The following ENOX1 variants were observed in gnomAD, a reference collection of about 807,000 sequenced individuals.
ENOX1 encodes candidate growth-related and time keeping constitutive hydroquinone (NADH) oxidase.
ENOX1 carries 42 observed loss-of-function variants against 82.5 expected under a neutral mutation model. The ratio of observed to expected loss-of-function variants is 0.51; its 90% CI spans 0.40 to 0.66. The LOEUF is 0.66. Ranked by LOEUF, ENOX1 falls within the 30% of genes least tolerant of loss-of-function variation. The pLI is 0.00. For missense variants in ENOX1, 608 were observed against 811.6 expected (o/e 0.75, Z 3.05); for synonymous variants, 271 against 282.2 (o/e 0.96, Z 0.40).
chr13:43,233,077 C>T (rs1420846381), intron 15 of ENOX1, among the ~76,000 whole-genome samples: 1 of 152,188 alleles, frequency 6.6e-6, no homozygotes, highest in Non-Finnish European at 1.5e-5. Flanking sequence ...ATCCAACATG[C>T]AGGCCATATG....
At chr13:43,332,254 C>T (rs1422174905) in intron 9 of ENOX1, among the ~76,000 whole-genome samples, 3 of 152,130 alleles carry the variant, frequency 2.0e-5, no homozygotes, top group Admixed American at 6.6e-5. Context: ...GGGGATGAAA[C>T]TGTTCCATCT....
At chr13:43,650,572 C>T (rs904918407) in intron 2 of ENOX1, among the ~76,000 whole-genome samples, 1 of 152,134 alleles carries the variant, frequency 6.6e-6, no homozygotes, top group African/African-American at 2.4e-5. Context: ...GCATGGTGGC[C>T]TCACTCCTGT....
intron 1 of ENOX1, among the ~76,000 whole-genome samples, chr13:43,700,985 C>T (rs982999996): frequency 2.6e-5 from 4 of 152,108 alleles, no homozygotes; most frequent in Non-Finnish European, 4.4e-5. Flanking sequence ...TTTAGTTTTT[C>T]ACTCTTTAAA....
chr13:43,721,140 T>C (rs2088547920), intron 1 of ENOX1, among the ~76,000 whole-genome samples: 2 of 152,154 alleles, frequency 1.3e-5, no homozygotes, highest in Non-Finnish European at 2.9e-5. Flanking sequence ...TTGTGCAGTG[T>C]TTCCACTGGT....
At chr13:43,296,972 T>C (rs2046318697) in intron 12 of ENOX1, among the ~76,000 whole-genome samples, 1 of 152,040 alleles carries the variant, frequency 6.6e-6, no homozygotes, top group African/African-American at 2.4e-5. Context: ...ACCCCAGAAG[T>C]CTCACACAGC....
At chr13:43,753,987 CGTGT>C (rs1389141937) in intron 1 of ENOX1, among the ~76,000 whole-genome samples, 1 of 5,992 alleles carries the variant, frequency 1.7e-4, no homozygotes, top group African/African-American at 3.1e-4. Flanking sequence ...TACGTATCTA[CGTGT>C]GTGTGTATAT....
At chr13:43,644,658 G>A (rs980896014) in intron 2 of ENOX1, among the ~76,000 whole-genome samples, 9 of 152,106 alleles carry the variant, frequency 5.9e-5, no homozygotes, top group African/African-American at 2.2e-4. Flanking sequence ...TATTTCATGT[G>A]GACTGCATAA....
At chr13:43,400,896 C>T (rs1205241520) in intron 5 of ENOX1, among the ~76,000 whole-genome samples, 4 of 152,130 alleles carry the variant, frequency 2.6e-5, no homozygotes, top group Non-Finnish European at 5.9e-5. Context: ...AATCATTTGC[C>T]CCCAAATCCT....
intron 2 of ENOX1, among the ~76,000 whole-genome samples, chr13:43,665,856 T>C (rs76967244): frequency 0.029 from 4,350 of 150,682 alleles, 78 homozygotes; most frequent in Non-Finnish European, 0.044. Flanking sequence ...TCAAATTAAA[T>C]TTGGCCATGG....
chr13:43,519,780 T>G (rs1053846286), intron 2 of ENOX1, among the ~76,000 whole-genome samples: 1 of 152,174 alleles, frequency 6.6e-6, no homozygotes, highest in Admixed American at 6.6e-5. Flanking sequence ...ACTTACCCCG[T>G]GAAGCCTGAA....
chr13:43,596,412 T>A (rs1348432467), intron 2 of ENOX1, among the ~76,000 whole-genome samples: 2 of 152,264 alleles, frequency 1.3e-5, no homozygotes, highest in African/African-American at 4.8e-5. Flanking sequence ...TTCTTTCATT[T>A]CCATCCTGCT....
rs760475931 is a variant in ENOX1, at chr13:43,298,344, A to G, written c.1446+2T>C. On this transcript the variant is annotated splice_donor_variant, in intron 12 of 16. Transcript: ENST00000690772. LOFTEE classifies it high-confidence loss of function. ...AAAAAAAAAAAAATCTGGGCCAGGT[A>G]CCTGCTGCATGCCTTGCATGGTTTG... 1 of 1,587,122 alleles carries G rather than the reference A, an allele frequency of 6.3e-7. No homozygotes were observed. The highest frequency in any genetic ancestry group is 8.5e-7 in the Non-Finnish European group (1 of 1,171,038).
At chr13:43,324,429 T>C (rs2047992941) in intron 10 of ENOX1, among the ~76,000 whole-genome samples, 1 of 152,132 alleles carries the variant, frequency 6.6e-6, no homozygotes, top group South Asian at 2.1e-4. Flanking sequence ...TACACTCTAA[T>C]AAATCTGTAG....
rs1230394298 is a variant in ENOX1, at chr13:43,412,968, C to T, written c.-54G>A. On this transcript the variant is annotated 5_prime_UTR_variant, in exon 4 of 17. Coordinates refer to ENST00000690772, the MANE Select transcript of ENOX1 (RefSeq NM_001347969.2). ...ACACTTTGATGGCTGAGTGCAGGGT[C>T]CCCTCGGAGGTCATCAGATTCTGCA... 2 of 1,608,304 alleles carry T rather than the reference C, an allele frequency of 1.2e-6. No homozygotes were observed. The highest frequency in any genetic ancestry group is 2.2e-5 in the East Asian group (1 of 44,652).
intron 3 of ENOX1, among the ~76,000 whole-genome samples, chr13:43,428,353 G>T (rs1190707675): frequency 6.6e-6 from 1 of 151,984 alleles, no homozygotes; most frequent in Admixed American, 6.6e-5. Context: ...ATATATTGAG[G>T]GCAAACTGAT....
chr13:43,373,746 C>T lies in ENOX1; in HGVS notation c.209-12294G>A, dbSNP rs147371020. On this transcript the variant is annotated intron_variant, in intron 5 of 16. Coordinates refer to ENST00000690772, the MANE Select transcript of ENOX1 (RefSeq NM_001347969.2). ...CATTTTAATTTAGAAAGCACCAATG[C>T]CAACCCATACTCCCCCATAGCTTGT... Among the ~76,000 whole-genome samples, 216 of 152,338 alleles carry T rather than the reference C, an allele frequency of 1.4e-3. 2 individuals are homozygous for T. The highest frequency in any genetic ancestry group is 4.8e-3 in the African/African-American group (198 of 41,574).
At chr13:43,330,228 C>G (rs1241086303) in intron 9 of ENOX1, among the ~76,000 whole-genome samples, 1 of 152,176 alleles carries the variant, frequency 6.6e-6, no homozygotes, top group African/African-American at 2.4e-5. Context: ...AAAGATATAA[C>G]CAGCAAACAA....
chr13:43,470,257 TATACATATATATAC>T (rs1427873281), intron 3 of ENOX1, among the ~76,000 whole-genome samples: 1 of 66,338 alleles, frequency 1.5e-5, no homozygotes. Flanking sequence ...TACATATATA[TATACATATATATAC>T]ACATATATAT....
intron 5 of ENOX1, among the ~76,000 whole-genome samples, chr13:43,381,181 C>T (rs997809783): frequency 2.0e-5 from 3 of 151,564 alleles, no homozygotes; most frequent in African/African-American, 7.3e-5. Context: ...AATAAAATTA[C>T]AAAAACACAA....
Sources: allele counts gnomAD v4.1 joint callset (sites outside exome capture counted in the v4.1 genomes callset), GRCh38; gene constraint gnomAD v4.1.1; transcripts MANE v1.5; gene names NCBI Gene and HGNC (gene_info 2026-07-23, HGNC 2026-07-21).